VARS1: variants seen among roughly 807,000 people sequenced by gnomAD.
The protein encoded by VARS1 is valine--tRNA ligase.
VARS1 carries 92 observed loss-of-function variants against 161.0 expected under a neutral mutation model. That is an observed-to-expected ratio of 0.57 (90% CI 0.48 to 0.68). The LOEUF (loss-of-function observed/expected upper bound fraction) is 0.68, where lower values mean the gene tolerates loss of function less well. Among genes scored for constraint, VARS1 ranks in the 30% least tolerant of loss-of-function variants. The pLI, the probability that VARS1 is intolerant of heterozygous loss-of-function variation, is 0.00. For synonymous variants in VARS1, 595 were observed against 682.5 expected (o/e 0.87, Z 2.00); for missense variants, 1,338 against 1,695.9 (o/e 0.79, Z 3.71).
chr6:31,781,420 C>T lies in VARS1; in HGVS notation c.2544+61G>A. ...CCCCAGCCACGCGGGGTCTGCGCTG[C>T]AGCACAGGACGGTAGGAGAGGAGGC... On this transcript the variant is annotated intron_variant, in intron 21 of 29. Coordinates refer to ENST00000375663, the MANE Select transcript of VARS1 (RefSeq NM_006295.3). This position sits in a 1 kb window ranked among gnomAD's most constrained non-coding sequence, Gnocchi z 6.8. The T allele has an allele frequency of 3.8e-6, 6 of 1,592,166 alleles. No individual in the cohort carries two copies. Among genetic ancestry groups the T allele is most frequent in the Non-Finnish European group, 3.4e-6 (4 of 1,172,014 alleles).
chr6:31,791,617 T>G lies in VARS1; in HGVS notation c.1093A>C (p.Thr365Pro). The G allele has an allele frequency of 6.2e-7, 1 of 1,610,590 alleles. No individual in the cohort carries two copies. The highest frequency in any genetic ancestry group is 8.5e-7 in the Non-Finnish European group (1 of 1,178,666). The change falls in exon 8 of 30, where the codon ACT becomes CCT. Residue 365 changes from threonine to proline, a missense_variant. Transcript: ENST00000375663. The surrounding 1 kb of genome is among the most constrained non-coding windows in gnomAD (Gnocchi z 5.0). ...ALTNAIQDSL[T>P]RWHRMRGETT... Reference sequence around the variant, plus strand: ...GTGCAGATAGAAGCTCACCATCGAGTCAGGGAGTCCTGGATGGCGTTGGTG... The same window carrying G: ...GTGCAGATAGAAGCTCACCATCGAGGCAGGGAGTCCTGGATGGCGTTGGTG...
intron 8 of VARS1, among the ~76,000 whole-genome samples, chr6:31,786,665 CAAAAAAAAAAAAAAAA>C (rs9279417): frequency 3.2e-5 from 1 of 31,592 alleles, no homozygotes; most frequent in African/African-American, 1.2e-4. Flanking sequence ...GACTCTGTCT[CAAAAAAAAAAAAAAAA>C]AAAAAAAAAA....
At chr6:31,787,712 C>A (rs1360561768) in intron 8 of VARS1, among the ~76,000 whole-genome samples, 1 of 151,926 alleles carries the variant, frequency 6.6e-6, no homozygotes, top group Non-Finnish European at 1.5e-5. Flanking sequence ...TATGGTGGTT[C>A]ATGCCTGTAG....
Position 31,785,268 on chromosome 6 carries a change from C to T in VARS1, c.1325G>A (p.Arg442Gln), listed in dbSNP as rs762729609. 7 of 1,613,098 alleles carry T rather than the reference C, an allele frequency of 4.3e-6. No homozygotes were observed. Among genetic ancestry groups the T allele is most frequent in the Non-Finnish European group, 5.9e-6 (7 of 1,180,028 alleles). Residue 442 changes from arginine (R) to glutamine (Q), a missense_variant, in exon 10 of 30, where the codon CGA becomes CAA. Arg to Gln is a conservative substitution (Grantham distance 43). Coordinates refer to ENST00000375663, the MANE Select transcript of VARS1 (RefSeq NM_006295.3). This position sits in a 1 kb window ranked among gnomAD's most constrained non-coding sequence, Gnocchi z 6.1. ...CACAGGGTCCATGGTGAAACAGGCT[C>T]GATCCCAGTCCAAGGAGCTGCCAAG... ...KKLGSSLDWD[R>Q]ACFTMDPKLS...
chr6:31,782,076 C>T lies in VARS1; in HGVS notation c.2241+11G>A, dbSNP rs546111272. The T allele has an allele frequency of 2.5e-6, 4 of 1,612,926 alleles. No homozygotes were observed. In the South Asian group the frequency reaches 3.3e-5, roughly 13 times the overall value. ...GGGTGTCCCAGCAGCTAGCTCTGGC[C>T]CTCTGCTCACCTCCCCAGGGGGCAC... On this transcript the variant is annotated intron_variant, in intron 18 of 29. Transcript: ENST00000375663. This position sits in a 1 kb window ranked among gnomAD's most constrained non-coding sequence, Gnocchi z 8.3.
chr6:31,783,886 C>G (rs1254475570), intron 13 of VARS1, among the ~76,000 whole-genome samples: 1 of 152,186 alleles, frequency 6.6e-6, no homozygotes, highest in South Asian at 2.1e-4. Flanking sequence ...TAGTCTCGAA[C>G]TCGTGACCTT....
chr6:31,793,148 C>T (rs779907190), intron 2 of VARS1, 28 bp from the exon 3 acceptor site: 2 of 1,569,990 alleles, frequency 1.3e-6, no homozygotes, highest in Non-Finnish European at 8.6e-7. Flanking sequence ...AAGTGTGAGA[C>T]AAGGTTTGGC....
At chr6:31,783,810 C>T (rs1244837587) in intron 13 of VARS1, among the ~76,000 whole-genome samples, 2 of 151,930 alleles carry the variant, frequency 1.3e-5, no homozygotes, top group East Asian at 1.9e-4. Context: ...TACAGGCACC[C>T]GCCACTACAA....
At position 31,780,720 on chromosome 6, in the gene VARS1, C is replaced by T. The variant is rs1813084137; in HGVS notation, c.2782G>A (p.Ala928Thr). The change falls in exon 24 of 30, where the codon GCC (alanine) becomes ACC (threonine). Residue 928 changes from alanine to threonine, a missense_variant. Coordinates refer to ENST00000375663, the MANE Select transcript of VARS1 (RefSeq NM_006295.3). The surrounding 1 kb of genome is among the most constrained non-coding windows in gnomAD (Gnocchi z 5.1). ...GTDALRFGLC[A>T]YMSQGRDINL... is the part of the protein sequence containing the mutation. ...GGGGCCATACCCTGGGACATGTAGG[C>T]ACATAATCCAAACCGGAGAGCATCG... is the stretch of plus-strand genomic sequence containing the variant. The T allele has an allele frequency of 6.2e-7, 1 of 1,614,030 alleles. No individual in the cohort carries two copies. Among genetic ancestry groups the T allele is most frequent in the African/African-American group, 1.3e-5 (1 of 74,920 alleles).
rs946811800 is a variant in VARS1, at chr6:31,782,821, T to C, written c.1787A>G (p.His596Arg). Reference protein sequence around the residue: ...GTGAVKITPAHDQNDYEVGQR... With the variant: ...GTGAVKITPARDQNDYEVGQR... ...CCCAACTTCATAGTCATTTTGGTCATGTGCGGGGGTGATCTTCACAGCACC... is the reference window on the plus strand; with the variant it reads ...CCCAACTTCATAGTCATTTTGGTCACGTGCGGGGGTGATCTTCACAGCACC... The change falls in exon 15 of 30, where the codon CAT becomes CGT. Residue 596 changes from histidine (H) to arginine (R), a missense_variant. By Grantham distance (29) the His-to-Arg change is conservative (BLOSUM62 0). This residue lies in a region of VARS1 where 902 missense variants were observed against 1,090.3 expected (regional missense o/e 0.83). Transcript: ENST00000375663. This position sits in a 1 kb window ranked among gnomAD's most constrained non-coding sequence, Gnocchi z 8.3. The C allele has an allele frequency of 6.2e-7, 1 of 1,612,740 alleles. No homozygotes were observed. The highest frequency in any genetic ancestry group is 8.5e-7 in the Non-Finnish European group (1 of 1,179,882).
chr6:31,783,249 A>G, intron 13 of VARS1, 63 bp from the exon 14 acceptor site: 2 of 1,554,148 alleles, frequency 1.3e-6, no homozygotes, highest in Non-Finnish European at 1.8e-6. Context: ...TCCCACCTGT[A>G]ATCCCAGAAC....
At position 31,780,387 on chromosome 6, in the gene VARS1, C is replaced by T; in HGVS notation, c.2925+54G>A. 6.3e-7 allele frequency: 1 copy of T among 1,583,040 alleles called. No homozygotes were observed. The highest frequency in any genetic ancestry group is 8.6e-7 in the Non-Finnish European group (1 of 1,163,946). ...CCAGCTACATGGAGGCTGCTCCGGACAGGGGTACAGCCTGTGTGAGTGCTG... is the reference window on the plus strand; with the variant it reads ...CCAGCTACATGGAGGCTGCTCCGGATAGGGGTACAGCCTGTGTGAGTGCTG... On this transcript the variant is annotated intron_variant, in intron 25 of 29. Coordinates refer to ENST00000375663, the MANE Select transcript of VARS1 (RefSeq NM_006295.3). This position sits in a 1 kb window ranked among gnomAD's most constrained non-coding sequence, Gnocchi z 5.1.
chr6:31,795,209 G>A lies in VARS1; in HGVS notation c.9C>T (p.Thr3=). The stretch of plus-strand genomic sequence containing the variant: ...CATCTGGGTGAGGGGAGACGTAGAG[G>A]GTGGACATAGTTATGAGAAGGTCCG... MS[T]LYVSPHPDAF... Residue 3 remains threonine, a synonymous_variant, in exon 2 of 30, where the codon ACC becomes ACT. Coordinates refer to ENST00000375663, the MANE Select transcript of VARS1 (RefSeq NM_006295.3). This position sits in a 1 kb window ranked among gnomAD's most constrained non-coding sequence, Gnocchi z 6.9. 1 of 1,447,084 alleles carries A rather than the reference G, an allele frequency of 6.9e-7. No individual in the cohort carries two copies. Among genetic ancestry groups the A allele is most frequent in the Non-Finnish European group, 9.1e-7 (1 of 1,099,396 alleles). 89.6% of individuals were successfully genotyped at this position (1,447,084 alleles called of 1,614,324 possible).
Position 31,791,466 on chromosome 6 carries a change from T to G in VARS1, c.1100+144A>C. 4 of 1,201,014 alleles carry G rather than the reference T, an allele frequency of 3.3e-6. No homozygotes were observed. The highest frequency in any genetic ancestry group is 3.0e-5 in the Admixed American group (1 of 33,612). The allele number at this position is 1,201,014 out of a possible 1,614,324, so 74.4% of individuals were successfully genotyped here. On this transcript the variant is annotated intron_variant, in intron 8 of 29. Coordinates refer to ENST00000375663, the MANE Select transcript of VARS1 (RefSeq NM_006295.3). This position sits in a 1 kb window ranked among gnomAD's most constrained non-coding sequence, Gnocchi z 5.0. ...AGGAGAGGAAGCTAAATGATCAGAT[T>G]GGAATGACAGAGAGAAGTGTAGCAC...
chr6:31,778,438 C>A lies in VARS1; in HGVS notation c.3726+529G>T, dbSNP rs543784249. Among the ~76,000 whole-genome samples the A allele has an allele frequency of 7.0e-4, 106 of 152,334 alleles. No homozygotes were observed. The highest frequency in any genetic ancestry group is 9.0e-4 in the Non-Finnish European group (61 of 68,028). ...ATGGTCCCTGCTCAAAGCGCCTGGGCTCCATGCTCCCCAGTGGATTCCCCA... is the reference window on the plus strand; with the variant it reads ...ATGGTCCCTGCTCAAAGCGCCTGGGATCCATGCTCCCCAGTGGATTCCCCA... On this transcript the variant is annotated intron_variant, in intron 29 of 29. Coordinates refer to ENST00000375663, the MANE Select transcript of VARS1 (RefSeq NM_006295.3). The surrounding 1 kb of genome is among the most constrained non-coding windows in gnomAD (Gnocchi z 5.1).
chr6:31,792,477 A>G lies in VARS1; in HGVS notation c.701T>C (p.Leu234Pro), dbSNP rs1298006513. The G allele has an allele frequency of 6.2e-7, 1 of 1,613,662 alleles. No individual in the cohort carries two copies. Among genetic ancestry groups the G allele is most frequent in the South Asian group, 1.1e-5 (1 of 91,054 alleles). ...CTCCCGTTTCTTTGCCTCTTTCTTG[A>G]GCTGAGCAGCTGTCTTTGGGAGGGC... ...APALPKTAAQ[L>P]KKEAKKREKL... Residue 234 changes from leucine to proline, a missense_variant, in exon 5 of 30, where the codon CTC becomes CCC. This residue lies in a region of VARS1 where 902 missense variants were observed against 1,090.3 expected (regional missense o/e 0.83). Coordinates refer to ENST00000375663, the MANE Select transcript of VARS1 (RefSeq NM_006295.3).
rs779660431 is a variant in VARS1 at position 31,793,020 on chromosome 6, G to A, written c.488C>T (p.Ala163Val). 13 of 1,613,102 alleles carry A rather than the reference G, an allele frequency of 8.1e-6. No homozygotes were observed. Among genetic ancestry groups the A allele is most frequent in the African/African-American group, 1.3e-5 (1 of 74,934 alleles). ...AGEAPTLADL[A>V]AVTALLLPFR... is the part of the protein sequence containing the mutation. The stretch of plus-strand genomic sequence containing the variant: ...AGGCAGCAGCAAGGCTGTGACAGCC[G>A]CCAGGTCAGCCAGAGTGGGGGCCTC... Residue 163 changes from alanine to valine, a missense_variant, in exon 3 of 30, where the codon GCG becomes GTG. Transcript: ENST00000375663.
rs1416286678 is a variant in VARS1, at chr6:31,778,563, G to A, written c.3726+404C>T. 6.6e-6 allele frequency among the ~76,000 whole-genome samples: 1 copy of A among 152,118 alleles called. No homozygotes were observed. Among genetic ancestry groups the A allele is most frequent in the Non-Finnish European group, 1.5e-5 (1 of 68,026 alleles). On this transcript the variant is annotated intron_variant, in intron 29 of 29. Coordinates refer to ENST00000375663, the MANE Select transcript of VARS1 (RefSeq NM_006295.3). This position sits in a 1 kb window ranked among gnomAD's most constrained non-coding sequence, Gnocchi z 5.1. ...TTCTCTCTGTTGCCCAGGCTCAAGT[G>A]CAGTGGCATGATCTCGGCTCACTGC...
chr6:31,779,960 G>GC lies in VARS1; in HGVS notation c.3081+37dup, dbSNP rs1813023666. The GC allele has an allele frequency of 1.9e-6, 3 of 1,610,634 alleles. No individual in the cohort carries two copies. The South Asian group carries it at 3.3e-5, about 18-fold the overall frequency. ...GAGCCCAGGGCTCTGCTGCCCACCTGCCCCCACCATCCCCTGCCCCGCTGT... is the reference window on the plus strand; with the variant it reads ...GAGCCCAGGGCTCTGCTGCCCACCTGCCCCCCACCATCCCCTGCCCCGCTGT... On this transcript the variant is annotated intron_variant, in intron 26 of 29. Coordinates refer to ENST00000375663, the MANE Select transcript of VARS1 (RefSeq NM_006295.3). The surrounding 1 kb of genome is among the most constrained non-coding windows in gnomAD (Gnocchi z 9.1).
Sources: gnomAD v4.1 joint callset for allele counts (sites outside exome capture counted in the v4.1 genomes callset) on GRCh38, gnomAD v4.1.1 for gene constraint, gnomAD v4.1.1 regional missense constraint, Gnocchi (gnomAD v3.1) non-coding constraint, MANE v1.5 for transcripts, NCBI Gene and HGNC (gene_info 2026-07-23, HGNC 2026-07-21) for gene names.